The following TRMU variants were observed in gnomAD, a reference collection of about 807,000 sequenced individuals.
TRMU encodes the protein mitochondrial tRNA-specific 2-thiouridylase 1.
In TRMU, 49 loss-of-function variants were observed where a neutral mutation model predicts 46.9. The ratio of observed to expected loss-of-function variants is 1.05; its 90% CI spans 0.83 to 1.33. The LOEUF (loss-of-function observed/expected upper bound fraction) is 1.33. Ranked by LOEUF, TRMU falls within the 40% of genes most tolerant of loss-of-function variation. The pLI, the probability that TRMU is intolerant of heterozygous loss-of-function variation, is 0.00. For synonymous variants in TRMU, 241 were observed against 200.9 expected, an observed-to-expected ratio of 1.20 and a Z score of -1.69; for missense variants, 572 against 532.4, an observed-to-expected ratio of 1.07 and a Z score of -0.73.
chr22:46,340,951 C>G (rs969783629), intron 2 of TRMU, among the ~76,000 whole-genome samples: 7 of 152,248 alleles, frequency 4.6e-5, no homozygotes, highest in African/African-American at 1.4e-4. Context: ...CCCGTGGAGG[C>G]ATTGGTCTTT....
At chr22:46,355,748 C>G in intron 9 of TRMU, 160 bp downstream of exon 9, 10 of 1,316,374 alleles carry the variant, frequency 7.6e-6, no homozygotes, top group Non-Finnish European at 1.1e-5. Flanking sequence ...CCTGTGCCTG[C>G]CCTGAGCGAG....
At chr22:46,356,803 C>G (rs2078624235) in intron 10 of TRMU, 39 bp from the exon 11 acceptor site, 1 of 1,610,678 alleles carries the variant, frequency 6.2e-7, no homozygotes, top group African/African-American at 1.3e-5. Flanking sequence ...TCGGCTGGCT[C>G]CCTGTGGCAC....
rs1295405317 is a variant in TRMU at position 46,350,481 on chromosome 22, C to T, written c.651+18C>T. 1 of 1,612,956 alleles carries T rather than the reference C, an allele frequency of 6.2e-7. No individual in the cohort carries two copies. The highest frequency in any genetic ancestry group is 1.1e-5 in the South Asian group (1 of 91,046). On this transcript the variant is annotated intron_variant, in intron 5 of 10. Coordinates refer to ENST00000645190, the MANE Select transcript of TRMU (RefSeq NM_018006.5). The surrounding 1 kb of genome is among the most constrained non-coding windows in gnomAD (Gnocchi z 4.6). ...AGAAAGAGGTACGAGTGAGCAGTTGCCTTTGATTAGTGCCTGTTTCCCTTT... is the reference window on the plus strand; with the variant it reads ...AGAAAGAGGTACGAGTGAGCAGTTGTCTTTGATTAGTGCCTGTTTCCCTTT...
chr22:46,350,390 G>A lies in TRMU; in HGVS notation c.578G>A (p.Gly193Glu). 1 of 1,614,198 alleles carries A rather than the reference G, an allele frequency of 6.2e-7. No individual in the cohort carries two copies. The highest frequency in any genetic ancestry group is 8.5e-7 in the Non-Finnish European group (1 of 1,180,048). Residue 193 changes from glycine (G) to glutamate (E), a missense_variant, in exon 5 of 11, where the codon GGG (glycine) becomes GAG (glutamate). Gly to Glu is a moderately conservative substitution (Grantham distance 98). Transcript: ENST00000645190. This position sits in a 1 kb window ranked among gnomAD's most constrained non-coding sequence, Gnocchi z 4.6. The part of the protein sequence containing the change: ...DALRRTIFPL[G>E]GLTKEFVKKI... ...CTGAGGAGAACCATCTTCCCTCTGG[G>A]GGGATTAACGAAAGAGTTTGTAAAG...
intron 3 of TRMU, among the ~76,000 whole-genome samples, chr22:46,345,137 C>G (rs1381270352): frequency 6.6e-6 from 1 of 151,786 alleles, no homozygotes; most frequent in Non-Finnish European, 1.5e-5. Context: ...GTGGTGTGAT[C>G]TCGGCTCACT....
intron 2 of TRMU, among the ~76,000 whole-genome samples, chr22:46,340,202 G>T (rs1166563564): frequency 6.6e-6 from 1 of 152,236 alleles, no homozygotes; most frequent in African/African-American, 2.4e-5. Flanking sequence ...TGCTGGTGGT[G>T]TGGGGGGTTG....
chr22:46,353,924 G>A (rs770705896), intron 8 of TRMU, 57 bp downstream of exon 8: 6 of 1,550,494 alleles, frequency 3.9e-6, no homozygotes, highest in Non-Finnish European at 5.3e-6. Context: ...GGCCAGCAGT[G>A]CTTCCAGACC....
rs1381046312 is a variant in TRMU, at chr22:46,352,311, G to C, written c.753G>C (p.Lys251Asn). 1 of 1,614,048 alleles carries C rather than the reference G, an allele frequency of 6.2e-7. No homozygotes were observed. The highest frequency in any genetic ancestry group is 8.5e-7 in the Non-Finnish European group (1 of 1,180,038). ...PGHFISIEDN[K>N]VLGTHKGWFL... The stretch of plus-strand genomic sequence containing the variant: ...ACTTTATTTCCATAGAAGACAATAA[G>C]GTTCTGGGAACACATAAAGGTGAGG... Residue 251 changes from lysine to asparagine, a missense_variant, in exon 7 of 11, where the codon AAG becomes AAC. Transcript: ENST00000645190.
At chr22:46,341,930 G>A (rs2078132998) in intron 2 of TRMU, among the ~76,000 whole-genome samples, 1 of 152,214 alleles carries the variant, frequency 6.6e-6, no homozygotes, top group South Asian at 2.1e-4. Context: ...GGCTCATGGA[G>A]CCCTTGTGTA....
At chr22:46,356,790 CCCTCGGCTGG>C in intron 10 of TRMU, 42 bp from the exon 11 acceptor site, 8 of 1,606,494 alleles carry the variant, frequency 5.0e-6, no homozygotes, top group Non-Finnish European at 4.3e-6. Context: ...CCCCTGCCTG[CCCTCGGCTGG>C]CTCCCTGTGG....
intron 3 of TRMU, among the ~76,000 whole-genome samples, chr22:46,345,700 C>T (rs575591245): frequency 2.0e-5 from 3 of 152,240 alleles, no homozygotes; most frequent in South Asian, 2.1e-4. Context: ...TGTAAGGACC[C>T]CCATTGTTAC....
rs2078299981 is a variant in TRMU at position 46,347,835 on chromosome 22, C to G, written c.478+1291C>G. On this transcript the variant is annotated intron_variant, in intron 4 of 10. Coordinates refer to ENST00000645190, the MANE Select transcript of TRMU (RefSeq NM_018006.5). This position sits in a 1 kb window ranked among gnomAD's most constrained non-coding sequence, Gnocchi z 5.0. ...CTGCTTCTGCTGGGTCAGGCCCCAG[C>G]TGAGTTCTTTCCTCAGCGTTGCTGA... 6.6e-6 allele frequency among the ~76,000 whole-genome samples: 1 copy of G among 152,192 alleles called. No individual in the cohort carries two copies. Among genetic ancestry groups the G allele is most frequent in the African/African-American group, 2.4e-5 (1 of 41,446 alleles).
rs74806921 is a variant in TRMU, at chr22:46,356,167, A to G, written c.1101+95A>G. On this transcript the variant is annotated intron_variant, in intron 10 of 10. Transcript: ENST00000645190. ...ACAGAGGAAGGGGCTGAGGCCCAGG[A>G]GTAGGGTGTGCTCGGGTCACACAGC... 2.7e-3 allele frequency: 3,897 copies of G among 1,425,328 alleles called. 64 individuals are homozygous for G. The African/African-American group carries it at 0.042, about 15-fold the overall frequency. 88.3% of individuals were successfully genotyped at this position (1,425,328 alleles called of 1,614,324 possible). A position where few individuals can be genotyped will look rare whatever the true frequency, so the allele number is the denominator to read the frequency against.
At position 46,346,410 on chromosome 22, in the gene TRMU, A is replaced by G; in HGVS notation, c.356-12A>G. 6.2e-7 allele frequency: 1 copy of G among 1,611,144 alleles called. No homozygotes were observed. Among genetic ancestry groups the G allele is most frequent in the Non-Finnish European group, 8.5e-7 (1 of 1,178,342 alleles). On this transcript the variant is annotated splice_polypyrimidine_tract_variant and intron_variant, in intron 3 of 10. Transcript: ENST00000645190. The stretch of plus-strand genomic sequence containing the variant: ...TCTAAAACCTGATCCTTGTGTTCTA[A>G]AAACCTCACAGGGGCAGATGCCATT...
At chr22:46,337,424 G>A (rs916712536) in intron 1 of TRMU, among the ~76,000 whole-genome samples, 2 of 152,158 alleles carry the variant, frequency 1.3e-5, no homozygotes, top group Non-Finnish European at 2.9e-5. Context: ...AATAACTTTT[G>A]AAAAGAGTTT....
Position 46,357,015 on chromosome 22 carries a change from G to A in TRMU, c.*9G>A, listed in dbSNP as rs372767259. ...TGAGTCCCTTGCTCTGACAGAGATGGATCTGCTAGAAGGAACCTGGAGAGC... is the reference window on the plus strand; with the variant it reads ...TGAGTCCCTTGCTCTGACAGAGATGAATCTGCTAGAAGGAACCTGGAGAGC... On this transcript the variant is annotated 3_prime_UTR_variant, in exon 11 of 11. Transcript: ENST00000645190. 1 of 1,613,386 alleles carries A rather than the reference G, an allele frequency of 6.2e-7. No homozygotes were observed. The highest frequency in any genetic ancestry group is 8.5e-7 in the Non-Finnish European group (1 of 1,180,004).
chr22:46,337,484 C>T (rs1040360472), intron 1 of TRMU, among the ~76,000 whole-genome samples: 4 of 152,188 alleles, frequency 2.6e-5, no homozygotes, highest in African/African-American at 9.7e-5. Flanking sequence ...TGAGTTTCGA[C>T]TATTCCTTCG....
chr22:46,352,172 C>T lies in TRMU; in HGVS notation c.703C>T (p.Gln235Ter), dbSNP rs1800386420. ...GKRNFEHFLL[Q>*]YLQPRPGHFI... ...GAGGAATTTTGAACATTTCCTTCTT[C>T]AGGTGCGTGCTGCTCTTTGACACAA... is the stretch of plus-strand genomic sequence containing the variant. Residue 235 changes from glutamine (Q) to a stop codon, truncating the protein, a stop_gained and splice_region_variant, in exon 6 of 11, where the codon CAG (glutamine) becomes TAG (stop). Coordinates refer to ENST00000645190, the MANE Select transcript of TRMU (RefSeq NM_018006.5). LOFTEE classifies it high-confidence loss of function. The T allele has an allele frequency of 6.2e-7, 1 of 1,614,220 alleles. No individual in the cohort carries two copies. Among genetic ancestry groups the T allele is most frequent in the Non-Finnish European group, 8.5e-7 (1 of 1,180,044 alleles).
intron 3 of TRMU, among the ~76,000 whole-genome samples, chr22:46,344,902 C>T (rs566171403): frequency 2.6e-5 from 4 of 152,212 alleles, no homozygotes; most frequent in Admixed American, 6.5e-5. Context: ...TTTTTCAGGT[C>T]GTTAATATGC....
Sources: allele counts gnomAD v4.1 joint callset (sites outside exome capture counted in the v4.1 genomes callset), GRCh38; gene constraint gnomAD v4.1.1; non-coding constraint Gnocchi (gnomAD v3.1); transcripts MANE v1.5; gene names NCBI Gene and HGNC (gene_info 2026-07-23, HGNC 2026-07-21).